The following ADCY2 variants were observed in gnomAD, a reference collection of about 807,000 sequenced individuals.
The protein encoded by ADCY2 is adenylate cyclase type 2.
In ADCY2, 31 loss-of-function variants were observed where a neutral mutation model predicts 125.2. The ratio of observed to expected loss-of-function variants is 0.25; its 90% CI spans 0.19 to 0.33. The LOEUF is 0.33. Ranked by LOEUF, ADCY2 falls within the 10% of genes least tolerant of loss-of-function variation. ADCY2 has a pLI of 1.00. For synonymous variants in ADCY2, 512 were observed against 548.4 expected, an observed-to-expected ratio of 0.93 and a Z score of 0.93; for missense variants, 904 against 1,418.2, an observed-to-expected ratio of 0.64 and a Z score of 5.82.
At chr5:7,770,158 T>C (rs1017480250) in intron 17 of ADCY2, among the ~76,000 whole-genome samples, 1 of 152,222 alleles carries the variant, frequency 6.6e-6, no homozygotes, top group Non-Finnish European at 1.5e-5. Context: ...ATGCTTCCCA[T>C]TACCATACAT....
intron 3 of ADCY2, among the ~76,000 whole-genome samples, chr5:7,598,934 C>T (rs772522216): frequency 6.6e-6 from 1 of 152,202 alleles, no homozygotes; most frequent in Non-Finnish European, 1.5e-5. Context: ...GAGACGTGGA[C>T]ATTTTTTGTG....
chr5:7,603,832 A>C (rs1424001847), intron 3 of ADCY2, among the ~76,000 whole-genome samples: 2 of 29,320 alleles, frequency 6.8e-5, no homozygotes, highest in African/African-American at 2.8e-4. Flanking sequence ...TTTTTTTATT[A>C]TACTCTAAGT....
At chr5:7,410,561 T>C (rs974510416) in intron 1 of ADCY2, among the ~76,000 whole-genome samples, 5 of 152,184 alleles carry the variant, frequency 3.3e-5, no homozygotes, top group Non-Finnish European at 7.3e-5. Flanking sequence ...CAGTGGATGA[T>C]ACCATAGTCA....
chr5:7,576,768 A>AC (rs1398600166), intron 3 of ADCY2, among the ~76,000 whole-genome samples: 1 of 152,126 alleles, frequency 6.6e-6, no homozygotes, highest in East Asian at 1.9e-4. Context: ...TTTTACCCAC[A>AC]CCCCCTTCCC....
chr5:7,616,196 TTATAATAATGTCAGAAGAAG>T (rs1737755422), intron 3 of ADCY2, among the ~76,000 whole-genome samples: 1 of 152,290 alleles, frequency 6.6e-6, no homozygotes, highest in Non-Finnish European at 1.5e-5. Flanking sequence ...GCAATTAGTT[TTATAATAATGTCAGAAGAAG>T]TATAATAATG....
At chr5:7,699,940 T>C (rs1055447214) in intron 7 of ADCY2, among the ~76,000 whole-genome samples, 5 of 152,188 alleles carry the variant, frequency 3.3e-5, no homozygotes, top group African/African-American at 7.2e-5. Flanking sequence ...TGGAAATCTA[T>C]AGGAAGGCAC....
intron 21 of ADCY2, among the ~76,000 whole-genome samples, chr5:7,804,331 C>T (rs889373133): frequency 6.6e-6 from 1 of 152,226 alleles, no homozygotes; most frequent in African/African-American, 2.4e-5. Context: ...GGTTCCTTCA[C>T]TAGCAAAGTT....
At chr5:7,588,682 A>G (rs1349735767) in intron 3 of ADCY2, among the ~76,000 whole-genome samples, 2 of 152,242 alleles carry the variant, frequency 1.3e-5, no homozygotes, top group African/African-American at 2.4e-5. Flanking sequence ...AACTTTATTT[A>G]TGTACACTGA....
Position 7,557,288 on chromosome 5 carries a change from C to T in ADCY2, c.570+36389C>T, listed in dbSNP as rs535257107. Among the ~76,000 whole-genome samples the T allele has an allele frequency of 1.3e-4, 18 of 143,712 alleles. No homozygotes were observed. In the East Asian group the frequency reaches 3.1e-3, roughly 25 times the overall value. The allele number at this position is 143,712 out of a possible 152,430, so 94.3% of individuals were successfully genotyped here. On this transcript the variant is annotated intron_variant, in intron 3 of 24. Transcript: ENST00000338316. ...AATCAGAAGAATGCAAATTGAATAA[C>T]GAGGAGGTATAATTGCACAACCATG...
chr5:7,581,560 C>A (rs1360801133), intron 3 of ADCY2, among the ~76,000 whole-genome samples: 1 of 152,046 alleles, frequency 6.6e-6, no homozygotes, highest in African/African-American at 2.4e-5. Context: ...TGGCTCACAC[C>A]TGTAATCCTA....
rs1233520784 is a variant in ADCY2 at position 7,827,512 on chromosome 5, T to TA, written c.*645dup. 3 of 152,442 alleles carry TA rather than the reference T, an allele frequency of 2.0e-5. No individual in the cohort carries two copies. The highest frequency in any genetic ancestry group is 4.4e-5 in the Non-Finnish European group (3 of 68,050). The allele number at this position is 152,442 out of a possible 1,614,324, so 9.4% of individuals were successfully genotyped here. ...TTTGTCTTTTGTAAAGTTAATTCAT[T>TA]AAAAGTTTTATGTACTTTGATTTAC... On this transcript the variant is annotated 3_prime_UTR_variant, in exon 25 of 25. Coordinates refer to ENST00000338316, the MANE Select transcript of ADCY2 (RefSeq NM_020546.3).
At chr5:7,591,592 C>A (rs1736850955) in intron 3 of ADCY2, among the ~76,000 whole-genome samples, 1 of 152,104 alleles carries the variant, frequency 6.6e-6, no homozygotes, top group South Asian at 2.1e-4. Context: ...GGTTATACAG[C>A]AACTGTATAA....
intron 3 of ADCY2, among the ~76,000 whole-genome samples, chr5:7,553,224 C>T (rs1260252613): frequency 6.6e-6 from 1 of 152,176 alleles, no homozygotes; most frequent in Non-Finnish European, 1.5e-5. Flanking sequence ...TGTTCTGGTG[C>T]CTAAATAGGA....
intron 13 of ADCY2, among the ~76,000 whole-genome samples, chr5:7,725,224 C>G (rs551621166): frequency 6.6e-6 from 1 of 152,140 alleles, no homozygotes; most frequent in Non-Finnish European, 1.5e-5. Context: ...TCTAGCTCAA[C>G]TTTATTTTAT....
At chr5:7,697,715 G>A (rs1579327479) in intron 6 of ADCY2, among the ~76,000 whole-genome samples, 2 of 152,102 alleles carry the variant, frequency 1.3e-5, no homozygotes, top group Admixed American at 1.3e-4. Context: ...TAAATTACTT[G>A]GCAGTATTGA....
chr5:7,447,103 A>T (rs968947389), intron 2 of ADCY2, among the ~76,000 whole-genome samples: 2 of 152,084 alleles, frequency 1.3e-5, no homozygotes, highest in African/African-American at 4.8e-5. Context: ...TCTTTCCCTT[A>T]GTCGGTCATC....
intron 2 of ADCY2, among the ~76,000 whole-genome samples, chr5:7,437,711 C>G (rs1474195699): frequency 2.6e-5 from 4 of 152,214 alleles, no homozygotes; most frequent in Non-Finnish European, 5.9e-5. Context: ...CTCCTTCGTT[C>G]AACAGGTGAG....
intron 3 of ADCY2, among the ~76,000 whole-genome samples, chr5:7,566,284 C>G (rs1423292880): frequency 6.6e-6 from 1 of 152,060 alleles, no homozygotes; most frequent in Non-Finnish European, 1.5e-5. Context: ...CTCAGGAGTT[C>G]AAGACCAGCT....
rs142029764 is a variant in ADCY2, at chr5:7,578,097, C to T, written c.571-48070C>T. On this transcript the variant is annotated intron_variant, in intron 3 of 24. Coordinates refer to ENST00000338316, the MANE Select transcript of ADCY2 (RefSeq NM_020546.3). ...TCCAGCTATCTCAAATAAAAGCCAACAGACTGAAGGCTCCTTGCTGTGTAT... is the reference window on the plus strand; with the variant it reads ...TCCAGCTATCTCAAATAAAAGCCAATAGACTGAAGGCTCCTTGCTGTGTAT... 4.3e-3 allele frequency among the ~76,000 whole-genome samples: 648 copies of T among 152,320 alleles called. 5 individuals carry two copies. The highest frequency in any genetic ancestry group is 0.015 in the African/African-American group (614 of 41,578).
Sources: gnomAD v4.1 joint callset for allele counts (sites outside exome capture counted in the v4.1 genomes callset) on GRCh38, gnomAD v4.1.1 for gene constraint, MANE v1.5 for transcripts, NCBI Gene and HGNC (gene_info 2026-07-23, HGNC 2026-07-21) for gene names.